The following PHF19 variants were observed in gnomAD, a reference collection of about 807,000 sequenced individuals.
PHF19 encodes the protein polycomb like 3.
PHF19 carries 21 observed loss-of-function variants against 79.8 expected under a neutral mutation model. That is an observed-to-expected ratio of 0.26 (90% CI 0.19 to 0.38). The LOEUF (loss-of-function observed/expected upper bound fraction) is 0.38, where lower values mean the gene tolerates loss of function less well. Among genes scored for constraint, PHF19 ranks in the 10% least tolerant of loss-of-function variants. PHF19 has a pLI of 1.00. For missense variants in PHF19, 445 were observed against 744.2 expected (o/e 0.60, Z 4.68); for synonymous variants, 273 against 296.3 (o/e 0.92, Z 0.81).
upstream of PHF19, among the ~76,000 whole-genome samples, chr9:120,881,249 G>A (rs1044898122): frequency 6.5e-4 from 98 of 150,138 alleles, no homozygotes; most frequent in Admixed American, 2.7e-4. Flanking sequence ...CCGGGTTCAC[G>A]CCCTTCTCCT....
intron 1 of PHF19, among the ~76,000 whole-genome samples, chr9:120,884,334 G>A (rs1334303961): frequency 1.3e-5 from 2 of 152,202 alleles, no homozygotes; most frequent in African/African-American, 4.8e-5. Context: ...CATCCTTTCT[G>A]GAATCAAGCA....
At chr9:120,900,013 G>T in the PHF19 span, among the ~76,000 whole-genome samples, 1 of 152,196 alleles carries the variant, frequency 6.6e-6, no homozygotes, top group Admixed American at 6.5e-5. Context: ...TTGAGACAGA[G>T]TCTTGCTCTG....
intron 1 of PHF19, among the ~76,000 whole-genome samples, chr9:120,893,546 G>A (rs2046368201): frequency 1.3e-5 from 2 of 152,360 alleles, no homozygotes; most frequent in South Asian, 4.1e-4. Flanking sequence ...TTTTCTGCAA[G>A]CTTCCCAGCC....
intron 1 of PHF19, among the ~76,000 whole-genome samples, chr9:120,893,184 AAATGACTTAGTAAAGGCAGT>A (rs1292102922): frequency 6.6e-6 from 1 of 152,256 alleles, no homozygotes; most frequent in Non-Finnish European, 1.5e-5. Context: ...TGTCATTGTT[AAATGACTTAGTAAAGGCAGT>A]AATGTGTGCA....
the PHF19 span, among the ~76,000 whole-genome samples, chr9:120,900,009 C>T: frequency 6.6e-6 from 1 of 152,082 alleles, no homozygotes; most frequent in African/African-American, 2.4e-5. Flanking sequence ...TTTTTTGAGA[C>T]AGAGTCTTGC....
chr9:120,866,032 G>T lies in PHF19; in HGVS notation c.775C>A (p.Arg259=). 1 of 1,612,652 alleles carries T rather than the reference G, an allele frequency of 6.2e-7. No homozygotes were observed. The highest frequency in any genetic ancestry group is 8.5e-7 in the Non-Finnish European group (1 of 1,178,816). The change falls in exon 8 of 15, where the codon CGA becomes AGA. Residue 259 remains arginine, a synonymous_variant. Transcript: ENST00000373896. The surrounding 1 kb of genome is among the most constrained non-coding windows in gnomAD (Gnocchi z 5.2). Reference sequence around the variant, plus strand: ...GACTAAGCCCCACCCTCTCACCATCGCAGGGGCAGCCTCTCGATGTACTCT... The same window carrying T: ...GACTAAGCCCCACCCTCTCACCATCTCAGGGGCAGCCTCTCGATGTACTCT... ...GPEYIERLPL[R]WVDVVHLALY...
At position 120,874,152 on chromosome 9, in the gene PHF19, G is replaced by A; in HGVS notation, c.187-92C>T. The A allele has an allele frequency of 1.4e-6, 1 of 723,908 alleles. No homozygotes were observed. Among genetic ancestry groups the A allele is most frequent in the Non-Finnish European group, 2.5e-6 (1 of 403,000 alleles). 44.8% of individuals were successfully genotyped at this position (723,908 alleles called of 1,614,324 possible). On this transcript the variant is annotated intron_variant, in intron 2 of 14. Coordinates refer to ENST00000373896, the MANE Select transcript of PHF19 (RefSeq NM_015651.3). The surrounding 1 kb of genome is among the most constrained non-coding windows in gnomAD (Gnocchi z 4.5). ...TCCTCCCCCATTTTTGTCTCCGTATGTTCCAGAAAGCAGGGCTAGAAGGGG... is the reference window on the plus strand; with the variant it reads ...TCCTCCCCCATTTTTGTCTCCGTATATTCCAGAAAGCAGGGCTAGAAGGGG...
rs2045380859 is a variant in PHF19, at chr9:120,857,203, G to A, written c.*741C>T. The A allele has an allele frequency of 6.8e-6, 1 of 146,474 alleles. No homozygotes were observed. The highest frequency in any genetic ancestry group is 2.5e-5 in the African/African-American group (1 of 39,230). 9.1% of individuals were successfully genotyped at this position (146,474 alleles called of 1,614,324 possible). On this transcript the variant is annotated 3_prime_UTR_variant, in exon 15 of 15. Transcript: ENST00000373896. ...CCAGCAAGGCCAGGCCCAGCTCTAT[G>A]GCGACTGAGGGGGTGAGGCCAGAGA...
At chr9:120,904,094 G>A in the PHF19 span, 1 of 152,284 alleles carries the variant, frequency 6.6e-6, no homozygotes, top group African/African-American at 2.4e-5. Flanking sequence ...AAGCACCAAA[G>A]GTGGGGCCTC....
chr9:120,888,523 T>C (rs2131594444), intron 1 of PHF19, among the ~76,000 whole-genome samples: 1 of 152,286 alleles, frequency 6.6e-6, no homozygotes, highest in Admixed American at 6.5e-5. Flanking sequence ...CACCCAAAAA[T>C]GGTTTTCCTG....
At position 120,866,400 on chromosome 9, in the gene PHF19, C is replaced by T. The variant is rs962990570; in HGVS notation, c.711-304G>A. ...CCTCTTCCCCTCTGAGACAGCCACA[C>T]ACGCAATCACAAATGACATGAGACA... is the stretch of plus-strand genomic sequence containing the variant. On this transcript the variant is annotated intron_variant, in intron 7 of 14. Transcript: ENST00000373896. The surrounding 1 kb of genome is among the most constrained non-coding windows in gnomAD (Gnocchi z 5.2). 3.3e-5 allele frequency among the ~76,000 whole-genome samples: 5 copies of T among 152,200 alleles called. No individual in the cohort carries two copies. Among genetic ancestry groups the T allele is most frequent in the African/African-American group, 1.2e-4 (5 of 41,450 alleles).
At chr9:120,892,169 T>A (rs1213520885) in intron 1 of PHF19, among the ~76,000 whole-genome samples, 2 of 152,186 alleles carry the variant, frequency 1.3e-5, no homozygotes, top group Non-Finnish European at 2.9e-5. Context: ...AGTACACAGC[T>A]CAGACCAAAC....
rs1291842999 is a variant in PHF19 at position 120,866,799 on chromosome 9, G to A, written c.710+71C>T. 2.5e-6 allele frequency: 2 copies of A among 815,042 alleles called. No homozygotes were observed. Among genetic ancestry groups the A allele is most frequent in the Non-Finnish European group, 4.4e-6 (2 of 456,074 alleles). 50.5% of individuals were successfully genotyped at this position (815,042 alleles called of 1,614,324 possible). On this transcript the variant is annotated intron_variant, in intron 7 of 14. Coordinates refer to ENST00000373896, the MANE Select transcript of PHF19 (RefSeq NM_015651.3). The surrounding 1 kb of genome is among the most constrained non-coding windows in gnomAD (Gnocchi z 5.2). ...TCTGGAGCCTGGCAGTCAACCTGCA[G>A]GAGTTGTTGCTGCCATCCCTGCCCT... is the stretch of plus-strand genomic sequence containing the variant.
At position 120,862,645 on chromosome 9, in the gene PHF19, A is replaced by G. The variant is rs771295710; in HGVS notation, c.1073T>C (p.Leu358Pro). The G allele has an allele frequency of 1.5e-5, 25 of 1,614,202 alleles. No individual in the cohort carries two copies. Among genetic ancestry groups the G allele is most frequent in the Non-Finnish European group, 2.1e-5 (25 of 1,180,022 alleles). The change falls in exon 11 of 15, where the codon CTG (leucine) becomes CCG (proline). Residue 358 changes from leucine to proline, a missense_variant. By Grantham distance (98) the Leu-to-Pro change is moderately conservative. Around this residue, in one of 5 missense-constraint regions of PHF19, gnomAD observed 83 missense variants for 85.5 expected, o/e 0.97. Coordinates refer to ENST00000373896, the MANE Select transcript of PHF19 (RefSeq NM_015651.3). The surrounding 1 kb of genome is among the most constrained non-coding windows in gnomAD (Gnocchi z 4.6). Reference protein sequence around the residue: ...PGKLLPDKGLLPNENSASSEL... With the variant: ...PGKLLPDKGLPPNENSASSEL... ...AGAGGAGGCGCTGTTCTCATTTGGC[A>G]GCAGTCCTTTGTCAGGCAGCAGCTT... is the stretch of plus-strand genomic sequence containing the variant.
chr9:120,872,070 AAAT>A (rs2045919825), intron 3 of PHF19, among the ~76,000 whole-genome samples: 14 of 144,198 alleles, frequency 9.7e-5, no homozygotes, highest in Non-Finnish European at 1.8e-4. Context: ...AAAAAAAAAG[AAAT>A]GGTACCTCTT....
At chr9:120,868,818 C>A in intron 6 of PHF19, 2 of 1,037,884 alleles carry the variant, frequency 1.9e-6, no homozygotes, top group Non-Finnish European at 2.3e-6. Context: ...CTCCCTGGGG[C>A]CCTGCTTGGG....
At chr9:120,890,273 C>CTTTTTTTTT (rs10658749) in intron 1 of PHF19, among the ~76,000 whole-genome samples, 1 of 115,414 alleles carries the variant, frequency 8.7e-6, no homozygotes, top group African/African-American at 4.0e-5. Context: ...AATGAGCCTG[C>CTTTTTTTTT]TTTTTTTTTT....
intron 1 of PHF19, among the ~76,000 whole-genome samples, chr9:120,883,242 A>T (rs1285091055): frequency 6.6e-6 from 1 of 152,194 alleles, no homozygotes; most frequent in South Asian, 2.1e-4. Flanking sequence ...CCTTCACCAG[A>T]CACTGGAGAT....
chr9:120,880,562 T>C (rs2046164458), upstream of PHF19, among the ~76,000 whole-genome samples: 1 of 151,846 alleles, frequency 6.6e-6, no homozygotes, highest in Non-Finnish European at 1.5e-5. Flanking sequence ...ATACTGGGAG[T>C]AAAAATAAAC....
Sources: allele counts gnomAD v4.1 joint callset (sites outside exome capture counted in the v4.1 genomes callset), GRCh38; gene constraint gnomAD v4.1.1; regional missense constraint gnomAD v4.1.1; non-coding constraint Gnocchi (gnomAD v3.1); transcripts MANE v1.5; gene names NCBI Gene and HGNC (gene_info 2026-07-23, HGNC 2026-07-21).